TSEN34: variants seen among roughly 807,000 people sequenced by gnomAD.
TSEN34 encodes tRNA splicing endonuclease subunit 34.
Under a neutral mutation model 30.2 loss-of-function variants are expected in TSEN34, and 25 were observed. The observed-to-expected ratio is 0.83, with a 90% confidence interval of 0.60 to 1.16. The LOEUF (loss-of-function observed/expected upper bound fraction) is 1.16. Ranked by LOEUF, TSEN34 falls within the 50% of genes most tolerant of loss-of-function variation. The pLI is 0.00. For missense variants in TSEN34, 475 were observed against 411.9 expected, an observed-to-expected ratio of 1.15 and a Z score of -1.33; for synonymous variants, 209 against 177.4, an observed-to-expected ratio of 1.18 and a Z score of -1.41.
Position 54,191,957 on chromosome 19 carries a change from G to T in TSEN34, c.480G>T (p.Glu160Asp), listed in dbSNP as rs761877091. The change falls in exon 2 of 4, where the codon GAG becomes GAT. Residue 160 changes from glutamate (E) to aspartate (D), a missense_variant. Physicochemically the swap from Glu to Asp is conservative, Grantham distance 45. Transcript: ENST00000396388. ...ATGGCCAGGCTTCGGGAGAGCAGGA[G>T]GAAGCTGGTGAGCATGGGAGGTGGA... is the stretch of plus-strand genomic sequence containing the variant. ...TSDGQASGEQ[E>D]EAGPSSSQAG... 1.2e-6 allele frequency: 2 copies of T among 1,614,212 alleles called. No individual in the cohort carries two copies. The highest frequency in any genetic ancestry group is 1.7e-6 in the Non-Finnish European group (2 of 1,180,018).
chr19:54,194,222 T>C lies in TSEN34; in HGVS notation c.*860T>C, dbSNP rs1037698372. On this transcript the variant is annotated 3_prime_UTR_variant, in exon 4 of 4. Coordinates refer to ENST00000396388, the MANE Select transcript of TSEN34 (RefSeq NM_001077446.4). ...ACACACATGTATGTATATATATGTG[T>C]GTGTATATATATATATATTATGAAA... 2 of 152,316 alleles carry C rather than the reference T, an allele frequency of 1.3e-5. No individual in the cohort carries two copies. The highest frequency in any genetic ancestry group is 4.9e-5 in the African/African-American group (2 of 41,224). The allele number at this position is 152,316 out of a possible 1,614,324, so 9.4% of individuals were successfully genotyped here. A position where few individuals can be genotyped will look rare whatever the true frequency, so the allele number is the denominator to read the frequency against.
chr19:54,191,009 G>GT, upstream of TSEN34: 1 of 1,140,544 alleles, frequency 8.8e-7, no homozygotes, highest in Non-Finnish European at 1.1e-6. Context: ...GCTTGCGGAG[G>GT]TTTGTTTTTC....
At chr19:54,190,341 T>C, upstream of TSEN34, 1 of 1,528,718 alleles carries the variant, frequency 6.5e-7, no homozygotes, top group Non-Finnish European at 8.8e-7. Flanking sequence ...AGTGGGTGGC[T>C]CCACCTCGAC....
upstream of TSEN34, chr19:54,190,742 G>T: frequency 8.4e-7 from 1 of 1,192,678 alleles, no homozygotes; most frequent in Non-Finnish European, 1.0e-6. Flanking sequence ...GAGGACGCCC[G>T]AACGCCGAAC....
chr19:54,190,288 TCG>T, upstream of TSEN34: 1 of 1,348,186 alleles, frequency 7.4e-7, no homozygotes, highest in East Asian at 2.6e-5. Flanking sequence ...GACGAGGGTG[TCG>T]GCATGAGGGG....
rs1291016949 is a variant in TSEN34 at position 54,192,211 on chromosome 19, G to C, written c.583G>C (p.Val195Leu). 1 of 1,614,138 alleles carries C rather than the reference G, an allele frequency of 6.2e-7. No individual in the cohort carries two copies. The highest frequency in any genetic ancestry group is 8.5e-7 in the Non-Finnish European group (1 of 1,179,996). ...GCTGGCCACTGCCAGGCCTCGACCG[G>C]TCAAGGCCAGGCCCCTGGACTGGCG... ...VQLATARPRP[V>L]KARPLDWRVQ... is the part of the protein sequence containing the mutation. The change falls in exon 3 of 4, where the codon GTC (valine) becomes CTC (leucine). Residue 195 changes from valine (V) to leucine (L), a missense_variant. Transcript: ENST00000396388.
chr19:54,193,027 A>C, intron 3 of TSEN34, 148 bp from the exon 4 acceptor site: 7 of 1,147,648 alleles, frequency 6.1e-6, no homozygotes, highest in Non-Finnish European at 8.5e-6. Context: ...AAAAGCCTAG[A>C]AGTGGAATAG....
Position 54,193,867 on chromosome 19 carries a change from G to A in TSEN34, c.*505G>A. 1 of 583,742 alleles carries A rather than the reference G, an allele frequency of 1.7e-6. No individual in the cohort carries two copies. Among genetic ancestry groups the A allele is most frequent in the South Asian group, 2.2e-5 (1 of 45,636 alleles). 36.2% of individuals were successfully genotyped at this position (583,742 alleles called of 1,614,324 possible). ...ACCTCACTAAACTTCCTTTTGAAAA[G>A]ATTTCTATGAAATTTCCCAGATGCA... On this transcript the variant is annotated 3_prime_UTR_variant, in exon 4 of 4. Transcript: ENST00000396388.
upstream of TSEN34, chr19:54,191,186 C>CG: frequency 7.2e-7 from 1 of 1,384,352 alleles, no homozygotes; most frequent in Non-Finnish European, 9.3e-7. Context: ...TGGGATCGCC[C>CG]GGGGGCGGGG....
upstream of TSEN34, chr19:54,189,993 G>A (rs761432874): frequency 1.7e-5 from 8 of 471,384 alleles, no homozygotes; most frequent in Non-Finnish European, 3.0e-5. Context: ...TAGGATGATA[G>A]GCGGAGTCAA....
intron 3 of TSEN34, 30 bp downstream of exon 3, chr19:54,192,403 G>A (rs2147084781): frequency 1.9e-6 from 3 of 1,613,270 alleles, no homozygotes; most frequent in Non-Finnish European, 2.5e-6. Flanking sequence ...TCTGGTTGCT[G>A]TGCCTTTCCA....
At chr19:54,190,537 C>T, upstream of TSEN34, 3 of 1,271,080 alleles carry the variant, frequency 2.4e-6, no homozygotes, top group Non-Finnish European at 2.0e-6. Flanking sequence ...GCGGGAACTC[C>T]CCAACTGGGG....
rs1376167807 is a variant in TSEN34, at chr19:54,191,511, G to T, written c.147G>T (p.Pro49=). 1 of 1,588,114 alleles carries T rather than the reference G, an allele frequency of 6.3e-7. No individual in the cohort carries two copies. The change falls in exon 1 of 4, where the codon CCG becomes CCT. Residue 49 remains proline, a synonymous_variant. Transcript: ENST00000396388. ...GPRQNSRLGL[P]LLLMPEEARL... The stretch of plus-strand genomic sequence containing the variant: ...GCCAGAACTCGCGCCTGGGCCTCCC[G>T]CTGCTGCTGATGCCCGAAGAGGCGC...
rs202245444 is a variant in TSEN34 at position 54,191,869 on chromosome 19, C to T, written c.392C>T (p.Ser131Leu). ...AAKKQKLEQA[S>L]GASSSQEAGS... is the part of the protein sequence containing the mutation. Reference sequence around the variant, plus strand: ...AAGAAGCAGAAACTAGAACAGGCTTCAGGGGCCAGCTCAAGCCAGGAGGCC... The same window carrying T: ...AAGAAGCAGAAACTAGAACAGGCTTTAGGGGCCAGCTCAAGCCAGGAGGCC... The change falls in exon 2 of 4, where the codon TCA (serine) becomes TTA (leucine). Residue 131 changes from serine (S) to leucine (L), a missense_variant. Physicochemically the swap from Ser to Leu is moderately radical, Grantham distance 145 (BLOSUM62 -2). Transcript: ENST00000396388. 897 of 1,614,086 alleles carry T rather than the reference C, an allele frequency of 5.6e-4. 1 individual carries two copies. The highest frequency in any genetic ancestry group is 1.2e-3 in the Admixed American group (70 of 60,016).
chr19:54,190,302 T>C, upstream of TSEN34: 1 of 1,436,598 alleles, frequency 7.0e-7, no homozygotes, highest in Non-Finnish European at 9.5e-7. Flanking sequence ...CATGAGGGGG[T>C]GGAGCAAGGA....
chr19:54,191,246 G>GC (rs1386868442), upstream of TSEN34: 1 of 1,476,062 alleles, frequency 6.8e-7, no homozygotes. Context: ...GCGAGGCCCC[G>GC]CCCCCTGAGG....
chr19:54,191,128 T>G, upstream of TSEN34: 2 of 1,335,468 alleles, frequency 1.5e-6, no homozygotes, highest in Non-Finnish European at 1.9e-6. Flanking sequence ...GGGGAGAGGG[T>G]CGGGGGCTTG....
chr19:54,194,214 T>C lies in TSEN34; in HGVS notation c.*852T>C, dbSNP rs911502953. On this transcript the variant is annotated 3_prime_UTR_variant, in exon 4 of 4. Coordinates refer to ENST00000396388, the MANE Select transcript of TSEN34 (RefSeq NM_001077446.4). ...GTAAATATACACACATGTATGTATA[T>C]ATATGTGTGTGTATATATATATATA... 2 of 153,050 alleles carry C rather than the reference T, an allele frequency of 1.3e-5. No homozygotes were observed. Among genetic ancestry groups the C allele is most frequent in the African/African-American group, 2.4e-5 (1 of 41,196 alleles). The allele number at this position is 153,050 out of a possible 1,614,324, so 9.5% of individuals were successfully genotyped here.
chr19:54,191,155 T>C, upstream of TSEN34: 2 of 1,359,966 alleles, frequency 1.5e-6, no homozygotes, highest in Non-Finnish European at 1.9e-6. Context: ...GCGTCTCGTC[T>C]CCGGCGGCCG....
Sources: allele counts gnomAD v4.1 joint callset, GRCh38; gene constraint gnomAD v4.1.1; transcripts MANE v1.5; gene names NCBI Gene and HGNC (gene_info 2026-07-23, HGNC 2026-07-21).